PIK3C2G: variants seen among roughly 807,000 people sequenced by gnomAD.
The protein encoded by PIK3C2G is phosphatidylinositol 3-kinase C2 domain-containing subunit gamma.
PIK3C2G carries 168 observed loss-of-function variants against 181.1 expected under a neutral mutation model. The ratio of observed to expected loss-of-function variants is 0.93; its 90% CI spans 0.82 to 1.05. The LOEUF (loss-of-function observed/expected upper bound fraction) is 1.05. Among genes scored for constraint, PIK3C2G ranks in the 50% least tolerant of loss-of-function variants. The probability of loss-of-function intolerance (pLI) is 0.00; values close to 1 mark genes in which losing one functional copy is unlikely to be tolerated. For synonymous variants in PIK3C2G, 573 were observed against 592.2 expected (o/e 0.97, Z 0.47); for missense variants, 1,869 against 1,732.8 (o/e 1.08, Z -1.40).
At chr12:18,686,034 C>G in the PIK3C2G span, among the ~76,000 whole-genome samples, 1 of 152,016 alleles carries the variant, frequency 6.6e-6, no homozygotes, top group Non-Finnish European at 1.5e-5. Flanking sequence ...TTATCCTTTT[C>G]CTCCCAGACT....
intron 18 of PIK3C2G, among the ~76,000 whole-genome samples, chr12:18,442,105 A>G (rs930593309): frequency 8.5e-5 from 13 of 152,182 alleles, no homozygotes; most frequent in Non-Finnish European, 1.8e-4. Flanking sequence ...CACTATAGTA[A>G]TATAGGAATA....
chr12:18,686,972 G>C, the PIK3C2G span, among the ~76,000 whole-genome samples: 1 of 151,986 alleles, frequency 6.6e-6, no homozygotes, highest in African/African-American at 2.4e-5. Flanking sequence ...AAGTTTCTAA[G>C]CATTTTGTGA....
intron 13 of PIK3C2G, among the ~76,000 whole-genome samples, chr12:18,374,870 T>A (rs1942326920): frequency 6.6e-6 from 1 of 152,184 alleles, no homozygotes. Flanking sequence ...GTGAGACACC[T>A]GCTCCTCCTT....
the PIK3C2G span, among the ~76,000 whole-genome samples, chr12:18,663,248 TA>T: frequency 6.6e-6 from 1 of 152,048 alleles, no homozygotes; most frequent in South Asian, 2.1e-4. Flanking sequence ...GAAAAGGAAA[TA>T]AAAGACATCT....
intron 18 of PIK3C2G, among the ~76,000 whole-genome samples, chr12:18,455,486 T>G (rs1258074253): frequency 2.0e-5 from 3 of 152,192 alleles, no homozygotes; most frequent in Non-Finnish European, 4.4e-5. Flanking sequence ...GAATTTTAAT[T>G]GCTATAAATT....
chr12:18,524,517 T>A (rs1282293987), intron 24 of PIK3C2G, among the ~76,000 whole-genome samples: 2 of 152,152 alleles, frequency 1.3e-5, no homozygotes, highest in African/African-American at 4.8e-5. Context: ...TTAGTATATG[T>A]TAATGGTGTG....
chr12:18,548,972 A>G (rs1026437072), intron 26 of PIK3C2G, among the ~76,000 whole-genome samples: 3 of 152,090 alleles, frequency 2.0e-5, no homozygotes, highest in African/African-American at 7.2e-5. Context: ...TCATTCCTGC[A>G]TTGTCTGTTT....
At chr12:18,408,925 T>A (rs1944697693) in intron 16 of PIK3C2G, among the ~76,000 whole-genome samples, 1 of 152,118 alleles carries the variant, frequency 6.6e-6, no homozygotes, top group African/African-American at 2.4e-5. Context: ...TGTGGGGAAA[T>A]AGGAACGCTT....
At chr12:18,715,639 G>A in the PIK3C2G span, 1 of 152,026 alleles carries the variant, frequency 6.6e-6, no homozygotes, top group Non-Finnish European at 1.5e-5. Context: ...TTTGCTTTTT[G>A]TTTTTGTGTC....
In PIK3C2G at chr12:18,436,442, A is replaced by C. The variant is rs142801075; in HGVS notation, c.2504+12403A>C. ...GTCATCTTCCTCTAAGGTTTTTGAT[A>C]TCTGAATAAAAGCAGATTCTTTTTG... On this transcript the variant is annotated intron_variant, in intron 18 of 32. Transcript: ENST00000538779. Among the ~76,000 whole-genome samples, 308 of 152,168 alleles carry C rather than the reference A, an allele frequency of 2.0e-3. 1 individual carries two copies. Among genetic ancestry groups the C allele is most frequent in the African/African-American group, 7.1e-3 (296 of 41,554 alleles).
chr12:18,564,856 A>G (rs1449544448), intron 28 of PIK3C2G, among the ~76,000 whole-genome samples: 1 of 152,186 alleles, frequency 6.6e-6, no homozygotes, highest in African/African-American at 2.4e-5. Context: ...TTTAACGGCT[A>G]TCCTTTTTTG....
Position 18,371,299 on chromosome 12 carries a change from T to C in PIK3C2G, c.1868T>C (p.Leu623Pro). The stretch of plus-strand genomic sequence containing the variant: ...TTACTGGCGTGGACTTGTCTTCCAC[T>C]GTTTCCAAAAGAGTAAGTGTATCAA... ...ANLLAWTCLPLFPKEKSILGS... is the reference protein window; with the variant it reads ...ANLLAWTCLPPFPKEKSILGS... The change falls in exon 13 of 33, where the codon CTG (leucine) becomes CCG (proline). Residue 623 changes from leucine to proline, a missense_variant. Transcript: ENST00000538779. The C allele has an allele frequency of 6.2e-7, 1 of 1,608,322 alleles. No individual in the cohort carries two copies. The highest frequency in any genetic ancestry group is 1.1e-5 in the South Asian group (1 of 89,494).
chr12:18,664,860 A>G, the PIK3C2G span, among the ~76,000 whole-genome samples: 2 of 151,668 alleles, frequency 1.3e-5, no homozygotes, highest in African/African-American at 4.8e-5. Context: ...CTTTGTAGGG[A>G]CATGGATGAA....
At chr12:18,622,391 TTTC>T (rs1354326066) in intron 31 of PIK3C2G, among the ~76,000 whole-genome samples, 4 of 151,472 alleles carry the variant, frequency 2.6e-5, no homozygotes, top group African/African-American at 9.8e-5. Context: ...CAGAATTTCT[TTTC>T]TTTTGAGGTT....
chr12:18,480,129 G>T (rs748894258), intron 18 of PIK3C2G, among the ~76,000 whole-genome samples: 3 of 152,096 alleles, frequency 2.0e-5, no homozygotes, highest in Admixed American at 6.5e-5. Context: ...AGCGAAAAGG[G>T]AGGTGGGATA....
At chr12:18,630,129 G>A (rs1469248054) in intron 31 of PIK3C2G, among the ~76,000 whole-genome samples, 1 of 151,916 alleles carries the variant, frequency 6.6e-6, no homozygotes, top group Non-Finnish European at 1.5e-5. Context: ...AAGATGAAGG[G>A]GGCCAGGTGC....
chr12:18,662,501 TA>T, the PIK3C2G span, among the ~76,000 whole-genome samples: 2 of 151,840 alleles, frequency 1.3e-5, no homozygotes, highest in East Asian at 1.9e-4. Flanking sequence ...TTACACAGTT[TA>T]AAAAAAAGGC....
At chr12:18,340,767 T>G (rs948633727) in intron 9 of PIK3C2G, among the ~76,000 whole-genome samples, 22 of 152,166 alleles carry the variant, frequency 1.4e-4, no homozygotes, top group Admixed American at 6.5e-5. Flanking sequence ...CTTGTGAGTA[T>G]GGGAAACAAT....
chr12:18,487,433 T>G (rs1043343735), intron 18 of PIK3C2G, among the ~76,000 whole-genome samples: 1 of 152,108 alleles, frequency 6.6e-6, no homozygotes, highest in African/African-American at 2.4e-5. Flanking sequence ...AAATCCTTTT[T>G]TTTTAAGTAT....
Sources: gnomAD v4.1 joint callset for allele counts (sites outside exome capture counted in the v4.1 genomes callset) on GRCh38, gnomAD v4.1.1 for gene constraint, MANE v1.5 for transcripts, NCBI Gene and HGNC (gene_info 2026-07-23, HGNC 2026-07-21) for gene names.